Variants in SLC20A2 observed in about 807,000 individuals in gnomAD.
The protein encoded by SLC20A2 is sodium-dependent phosphate transporter 2.
SLC20A2 carries 30 observed loss-of-function variants against 61.0 expected under a neutral mutation model. The ratio of observed to expected loss-of-function variants is 0.49; its 90% confidence interval spans 0.37 to 0.67. SLC20A2 has a LOEUF of 0.67. SLC20A2 is among the 30% of genes least tolerant of loss of function. SLC20A2 has a pLI of 0.00. For synonymous variants in SLC20A2, 351 were observed against 353.3 expected (o/e 0.99, Z 0.07); for missense variants, 626 against 866.4 (o/e 0.72, Z 3.48).
intron 4 of SLC20A2, among the ~76,000 whole-genome samples, chr8:42,461,878 C>T (rs543142792): frequency 3.3e-4 from 51 of 152,242 alleles, no homozygotes; most frequent in Middle Eastern, 3.4e-3. Flanking sequence ...TACCAAGTGT[C>T]TTGTAAGTGC....
Position 42,478,044 on chromosome 8 carries a change from C to T in SLC20A2, c.-264-5390G>A, listed in dbSNP as rs904929614. On this transcript the variant is annotated intron_variant, in intron 1 of 10. Coordinates refer to ENST00000520262, the MANE Select transcript of SLC20A2 (RefSeq NM_001257180.2). ...GGGACTACAGGTGCACACCACCACA[C>T]CCAGCTAATTTTTGTATTTTTAGTA... Among the ~76,000 whole-genome samples the T allele has an allele frequency of 3.8e-4, 57 of 151,366 alleles. 1 individual carries two copies. The highest frequency in any genetic ancestry group is 2.9e-3 in the Admixed American group (44 of 15,182).
At chr8:42,441,197 T>A (rs1804755330) in intron 6 of SLC20A2, among the ~76,000 whole-genome samples, 2 of 147,030 alleles carry the variant, frequency 1.4e-5, no homozygotes, top group Non-Finnish European at 3.0e-5. Flanking sequence ...CAGGCTAGAG[T>A]GCGCTGGAGT....
At position 42,463,019 on chromosome 8, in the gene SLC20A2, A is replaced by C. The variant is rs750252716; in HGVS notation, c.502T>G (p.Phe168Val). 5.6e-6 allele frequency: 9 copies of C among 1,594,778 alleles called. No individual in the cohort carries two copies. Among genetic ancestry groups the C allele is most frequent in the Non-Finnish European group, 6.0e-6 (7 of 1,172,094 alleles). Residue 168 changes from phenylalanine to valine, a missense_variant, in exon 4 of 11, where the codon TTC (phenylalanine) becomes GTC (valine). Physicochemically the swap from Phe to Val is conservative, Grantham distance 50. Coordinates refer to ENST00000520262, the MANE Select transcript of SLC20A2 (RefSeq NM_001257180.2). ...SGLLFVLIRI[F>V]ILKKEDPVPN... ...GCCCCACTTACCTTTTTTAAGATGAAAATTCTGATGAGTACAAACAGCAGG... is the reference window on the plus strand; with the variant it reads ...GCCCCACTTACCTTTTTTAAGATGACAATTCTGATGAGTACAAACAGCAGG...
At chr8:42,529,747 GA>G (rs1812207875) in intron 1 of SLC20A2, among the ~76,000 whole-genome samples, 1 of 152,148 alleles carries the variant, frequency 6.6e-6, no homozygotes, top group Non-Finnish European at 1.5e-5. Context: ...GAACACAAAT[GA>G]AAGCCACTTT....
intron 8 of SLC20A2, among the ~76,000 whole-genome samples, chr8:42,433,370 C>T (rs1804010652): frequency 6.6e-6 from 1 of 152,128 alleles, no homozygotes; most frequent in South Asian, 2.1e-4. Context: ...GTTGCCCAGG[C>T]TGGAGTGCAG....
intron 1 of SLC20A2, among the ~76,000 whole-genome samples, chr8:42,536,758 CA>C: frequency 6.6e-6 from 1 of 152,236 alleles, no homozygotes; most frequent in East Asian, 1.9e-4. Context: ...TTGCTCAATA[CA>C]ACCTGAAAAA....
intron 6 of SLC20A2, among the ~76,000 whole-genome samples, chr8:42,440,375 A>T (rs1031588142): frequency 6.6e-6 from 1 of 152,166 alleles, no homozygotes; most frequent in Non-Finnish European, 1.5e-5. Context: ...AGTCACATAA[A>T]TAAAATAATA....
At chr8:42,487,068 TTGGCCAGGC>T (rs1472147448) in intron 1 of SLC20A2, among the ~76,000 whole-genome samples, 1 of 152,020 alleles carries the variant, frequency 6.6e-6, no homozygotes, top group Non-Finnish European at 1.5e-5. Flanking sequence ...TTTCACTATG[TTGGCCAGGC>T]TGGTCTGGAA....
At position 42,430,073 on chromosome 8, in the gene SLC20A2, G is replaced by A. The variant is rs774722437; in HGVS notation, c.1700C>T (p.Thr567Met). The A allele has an allele frequency of 5.0e-6, 8 of 1,610,064 alleles. No homozygotes were observed. The highest frequency in any genetic ancestry group is 6.8e-6 in the Non-Finnish European group (8 of 1,178,652). ...ACCAGCCCAGGCTTACCTGGACGGC[G>A]TGATGGGAGTGAGGTCCTTCCCCAT... ...QTMGKDLTPI[T>M]PSSGFTIELA... is the part of the protein sequence containing the mutation. The change falls in exon 9 of 11, where the codon ACG becomes ATG. Residue 567 changes from threonine (T) to methionine (M), a missense_variant. Around this residue, in one of 3 missense-constraint regions of SLC20A2, gnomAD observed 138 missense variants for 228.7 expected, o/e 0.60. Coordinates refer to ENST00000520262, the MANE Select transcript of SLC20A2 (RefSeq NM_001257180.2).
chr8:42,532,978 A>G (rs887691347), intron 1 of SLC20A2, among the ~76,000 whole-genome samples: 2 of 152,202 alleles, frequency 1.3e-5, no homozygotes, highest in Admixed American at 6.5e-5. Flanking sequence ...AAGAAACTAA[A>G]TAAGAAATTC....
Position 42,444,529 on chromosome 8 carries a change from G to A in SLC20A2, c.730+117C>T, listed in dbSNP as rs1446365212. ...AACGGAGAGACAGAGGATGGGGTATGTTCTGGAGTCACCCACACTTCCATT... is the reference window on the plus strand; with the variant it reads ...AACGGAGAGACAGAGGATGGGGTATATTCTGGAGTCACCCACACTTCCATT... On this transcript the variant is annotated intron_variant, in intron 6 of 10. Transcript: ENST00000520262. 5 of 780,100 alleles carry A rather than the reference G, an allele frequency of 6.4e-6. No homozygotes were observed. The Admixed American group carries it at 9.8e-5, about 15-fold the overall frequency. 48.3% of individuals were successfully genotyped at this position (780,100 alleles called of 1,614,324 possible). A position where few individuals can be genotyped will look rare whatever the true frequency, so the allele number is the denominator to read the frequency against.
Position 42,463,043 on chromosome 8 carries a change from G to A in SLC20A2, c.478C>T (p.Leu160=), listed in dbSNP as rs1017500396. 1 of 1,604,522 alleles carries A rather than the reference G, an allele frequency of 6.2e-7. No individual in the cohort carries two copies. Among genetic ancestry groups the A allele is most frequent in the African/African-American group, 1.3e-5 (1 of 74,256 alleles). The change falls in exon 4 of 11, where the codon CTG becomes TTG. Residue 160 remains leucine (L), a synonymous_variant. Transcript: ENST00000520262. Reference sequence around the variant, plus strand: ...AAAATTCTGATGAGTACAAACAGCAGGCCAGACATGAAACCAGACAACAGT... The same window carrying A: ...AAAATTCTGATGAGTACAAACAGCAAGCCAGACATGAAACCAGACAACAGT... ...SPLLSGFMSG[L]LFVLIRIFIL... is the part of the protein sequence containing the mutation.
At chr8:42,499,847 CA>C (rs1184982035) in intron 1 of SLC20A2, among the ~76,000 whole-genome samples, 2 of 152,148 alleles carry the variant, frequency 1.3e-5, no homozygotes, top group African/African-American at 4.8e-5. Context: ...CTCTTCAGCT[CA>C]ATAAAAACTA....
intron 1 of SLC20A2, among the ~76,000 whole-genome samples, chr8:42,518,939 C>CCT (rs1811478715): frequency 6.6e-6 from 1 of 152,194 alleles, no homozygotes; most frequent in Admixed American, 6.5e-5. Flanking sequence ...CCACCATTCA[C>CCT]AAGGGTGATT....
chr8:42,454,152 T>C (rs1805952811), intron 5 of SLC20A2, among the ~76,000 whole-genome samples: 1 of 152,112 alleles, frequency 6.6e-6, no homozygotes, highest in Non-Finnish European at 1.5e-5. Flanking sequence ...TACAGGTGCC[T>C]GCCACCACGC....
At chr8:42,469,684 C>T (rs1483882018) in intron 2 of SLC20A2, among the ~76,000 whole-genome samples, 1 of 152,166 alleles carries the variant, frequency 6.6e-6, no homozygotes, top group Non-Finnish European at 1.5e-5. Context: ...AATCCCAGCA[C>T]TTTGGGAGGC....
At chr8:42,422,077 G>C (rs1031804244) in intron 10 of SLC20A2, among the ~76,000 whole-genome samples, 3 of 152,080 alleles carry the variant, frequency 2.0e-5, no homozygotes, top group Non-Finnish European at 4.4e-5. Context: ...TTTTGAGATA[G>C]AGTCTTGCTC....
Position 42,490,017 on chromosome 8 carries a change from T to C in SLC20A2, c.-265+11014A>G, listed in dbSNP as rs192648620. ...CAAATAAAAAAATAACCAGGATTTG[T>C]TGTTAGAAAAATATACTTTTATATC... On this transcript the variant is annotated intron_variant, in intron 1 of 10. Coordinates refer to ENST00000520262, the MANE Select transcript of SLC20A2 (RefSeq NM_001257180.2). 4.4e-3 allele frequency among the ~76,000 whole-genome samples: 663 copies of C among 152,344 alleles called. 3 individuals are homozygous for C. The highest frequency in any genetic ancestry group is 6.8e-3 in the Middle Eastern group (2 of 294).
chr8:42,437,138 C>T lies in SLC20A2; in HGVS notation c.1374G>A (p.Ser458=), dbSNP rs1486605873. 16 of 1,613,688 alleles carry T rather than the reference C, an allele frequency of 9.9e-6. No individual in the cohort carries two copies. Among genetic ancestry groups the T allele is most frequent in the African/African-American group, 4.0e-5 (3 of 74,932 alleles). Residue 458 remains serine (S), a synonymous_variant, in exon 8 of 11, where the codon TCG becomes TCA. Coordinates refer to ENST00000520262, the MANE Select transcript of SLC20A2 (RefSeq NM_001257180.2). The surrounding 1 kb of genome is among the most constrained non-coding windows in gnomAD (Gnocchi z 6.4). The part of the protein sequence containing the change: ...EEGGVEMKLA[S]ELADPDQPRE... The stretch of plus-strand genomic sequence containing the variant: ...GCGGCTGGTCAGGGTCGGCCAGCTC[C>T]GACGCCAGCTTCATCTCCACGCCGC...
Sources: allele counts gnomAD v4.1 joint callset (sites outside exome capture counted in the v4.1 genomes callset), GRCh38; gene constraint gnomAD v4.1.1; regional missense constraint gnomAD v4.1.1; non-coding constraint Gnocchi (gnomAD v3.1); transcripts MANE v1.5; gene names NCBI Gene and HGNC (gene_info 2026-07-23, HGNC 2026-07-21).